AGBL4: variants seen among roughly 807,000 people sequenced by gnomAD.
AGBL4 encodes the protein cytosolic carboxypeptidase 6.
A neutral mutation model predicts 66.4 loss-of-function variants in AGBL4; 58 were observed. That is an observed-to-expected ratio of 0.87 (90% CI 0.71 to 1.09). The LOEUF is 1.09. AGBL4 is among the 50% of genes least tolerant of loss of function. AGBL4 has a pLI of 0.00. For missense variants in AGBL4, 579 were observed against 631.0 expected (o/e 0.92, Z 0.88); for synonymous variants, 234 against 222.9 (o/e 1.05, Z -0.44).
chr1:49,942,187 G>A (rs1654825222), intron 1 of AGBL4, among the ~76,000 whole-genome samples: 1 of 151,936 alleles, frequency 6.6e-6, no homozygotes, highest in African/African-American at 2.4e-5. Context: ...AAGTAAAACT[G>A]AAGAAGACAC....
chr1:48,590,406 C>CA (rs386366923), intron 10 of AGBL4, among the ~76,000 whole-genome samples: 1,036 of 93,564 alleles, frequency 0.011, 19 homozygotes, highest in East Asian at 0.04. Flanking sequence ...AACTCAGTCT[C>CA]AAAAAAAAAA....
chr1:49,957,959 G>T (rs1318781311), intron 1 of AGBL4, among the ~76,000 whole-genome samples: 1 of 152,114 alleles, frequency 6.6e-6, no homozygotes, highest in Admixed American at 6.6e-5. Context: ...TAGCATCAAT[G>T]GTCTTTACAA....
At chr1:49,845,298 C>T (rs1246854053) in intron 2 of AGBL4, 24 of 1,556,206 alleles carry the variant, frequency 1.5e-5, no homozygotes, top group Non-Finnish European at 2.1e-5. Flanking sequence ...TGATCCAGCA[C>T]CAGAGAACTC....
At chr1:48,709,337 C>T (rs1427358699) in intron 6 of AGBL4, among the ~76,000 whole-genome samples, 1 of 152,174 alleles carries the variant, frequency 6.6e-6, no homozygotes, top group African/African-American at 2.4e-5. Flanking sequence ...AAGCAGGCTA[C>T]TCAAGAGAAT....
rs1000326494 is a variant in AGBL4 at position 49,065,205 on chromosome 1, G to A, written c.378-19405C>T. Among the ~76,000 whole-genome samples, 4 of 152,134 alleles carry A rather than the reference G, an allele frequency of 2.6e-5. No homozygotes were observed. In the East Asian group the frequency reaches 7.7e-4, roughly 29 times the overall value. ...GCTAGTCAATGGCAGCTAGACAGGG[G>A]CTTCAACTCCAGAGGCTAACACTTA... On this transcript the variant is annotated intron_variant, in intron 4 of 13. Coordinates refer to ENST00000371839, the MANE Select transcript of AGBL4 (RefSeq NM_032785.4).
intron 2 of AGBL4, among the ~76,000 whole-genome samples, chr1:49,706,339 G>A (rs1446925062): frequency 6.6e-6 from 1 of 152,176 alleles, no homozygotes; most frequent in Non-Finnish European, 1.5e-5. Flanking sequence ...TCTGCATAGA[G>A]GTGTTTAAAT....
chr1:49,740,965 C>A (rs1041984488), intron 2 of AGBL4, among the ~76,000 whole-genome samples: 8 of 152,172 alleles, frequency 5.3e-5, no homozygotes, highest in Non-Finnish European at 1.0e-4. Context: ...CTAAAATTGA[C>A]ACCCTAACAT....
At chr1:49,133,076 A>G (rs150443536) in intron 4 of AGBL4, among the ~76,000 whole-genome samples, 1 of 152,230 alleles carries the variant, frequency 6.6e-6, no homozygotes, top group South Asian at 2.1e-4. Context: ...GAAAGAGTTC[A>G]TGTCCTTTGC....
intron 2 of AGBL4, among the ~76,000 whole-genome samples, chr1:49,700,035 T>C (rs1647057716): frequency 6.6e-6 from 1 of 151,612 alleles, no homozygotes; most frequent in South Asian, 2.1e-4. Context: ...AAATAATTTT[T>C]TAAATACAAG....
intron 4 of AGBL4, among the ~76,000 whole-genome samples, chr1:49,172,929 C>A (rs1445262482): frequency 1.3e-5 from 2 of 151,920 alleles, no homozygotes; most frequent in Non-Finnish European, 1.5e-5. Context: ...AGTTTGAGAC[C>A]AGCCTGACCA....
At chr1:49,817,025 A>G (rs921344372) in intron 2 of AGBL4, among the ~76,000 whole-genome samples, 1 of 152,214 alleles carries the variant, frequency 6.6e-6, no homozygotes, top group African/African-American at 2.4e-5. Context: ...ATAGCCTCTT[A>G]GAGAATCTCT....
intron 1 of AGBL4, among the ~76,000 whole-genome samples, chr1:50,000,350 C>T (rs1375225839): frequency 1.3e-5 from 2 of 152,078 alleles, no homozygotes; most frequent in Non-Finnish European, 2.9e-5. Flanking sequence ...CAAGGTAATG[C>T]AAATCGAAAC....
At chr1:48,951,730 T>C (rs1318897845) in intron 5 of AGBL4, among the ~76,000 whole-genome samples, 2 of 152,236 alleles carry the variant, frequency 1.3e-5, no homozygotes, top group African/African-American at 4.8e-5. Context: ...AATAAATTTA[T>C]GTTATTCATA....
intron 2 of AGBL4, among the ~76,000 whole-genome samples, chr1:49,813,778 G>C (rs920830847): frequency 6.6e-6 from 1 of 152,040 alleles, no homozygotes; most frequent in Non-Finnish European, 1.5e-5. Flanking sequence ...AAACAAAGTT[G>C]GATAACAGAG....
At chr1:48,909,995 T>A (rs150859506) in intron 5 of AGBL4, among the ~76,000 whole-genome samples, 353 of 152,326 alleles carry the variant, frequency 2.3e-3, no homozygotes, top group African/African-American at 8.3e-3. Context: ...TGACAAAGAT[T>A]TGGACTTAAT....
At chr1:49,386,264 G>GAT (rs1553193506) in intron 3 of AGBL4, among the ~76,000 whole-genome samples, 1 of 102,656 alleles carries the variant, frequency 9.7e-6, no homozygotes, top group Non-Finnish European at 2.3e-5. Context: ...TGGATGGATG[G>GAT]ATGTGTGTGT....
intron 4 of AGBL4, among the ~76,000 whole-genome samples, chr1:49,048,804 G>GA (rs201211809): frequency 3.6e-4 from 51 of 142,072 alleles, no homozygotes; most frequent in Non-Finnish European, 3.7e-4. Flanking sequence ...GCCAAGAGAG[G>GA]AAAAAAAAAA....
intron 3 of AGBL4, among the ~76,000 whole-genome samples, chr1:49,624,002 A>AGTGTGTGTGTGTGTGT (rs34356093): frequency 2.0e-5 from 3 of 149,346 alleles, no homozygotes; most frequent in African/African-American, 7.5e-5. Context: ...GATGAGAGAG[A>AGTGTGTGTGTGTGTGT]GTGTGTGTGT....
intron 3 of AGBL4, among the ~76,000 whole-genome samples, chr1:49,293,027 C>T (rs1033295088): frequency 6.6e-6 from 1 of 152,234 alleles, no homozygotes; most frequent in African/African-American, 2.4e-5. Context: ...GAAGCCCAGA[C>T]CTGGGAGCTC....
Sources: gnomAD v4.1 joint callset for allele counts (sites outside exome capture counted in the v4.1 genomes callset) on GRCh38, gnomAD v4.1.1 for gene constraint, MANE v1.5 for transcripts, NCBI Gene and HGNC (gene_info 2026-07-23, HGNC 2026-07-21) for gene names.